Variants in DNAH3 observed in about 807,000 individuals in gnomAD.
The protein encoded by DNAH3 is dynein axonemal heavy chain 3.
DNAH3 carries 332 observed loss-of-function variants against 432.5 expected under a neutral mutation model. The ratio of observed to expected loss-of-function variants is 0.77; its 90% confidence interval spans 0.70 to 0.84. The LOEUF (loss-of-function observed/expected upper bound fraction) is 0.84. DNAH3 is among the 40% of genes least tolerant of loss of function. The probability of loss-of-function intolerance (pLI) is 0.00; values close to 1 mark genes in which losing one functional copy is unlikely to be tolerated. For synonymous variants in DNAH3, 1,956 were observed against 1,900.2 expected (o/e 1.03, Z -0.76); for missense variants, 4,861 against 5,114.0 (o/e 0.95, Z 1.51).
chr16:21,125,423 C>G, intron 8 of DNAH3, 53 bp from the exon 10 acceptor site: 1 of 1,476,398 alleles, frequency 6.8e-7, no homozygotes, highest in Non-Finnish European at 9.1e-7. Context: ...CTCCGAGGAA[C>G]CCACTTGCCG....
At chr16:21,090,521 T>C (rs975550974) in intron 18 of DNAH3, among the ~76,000 whole-genome samples, 13 of 152,184 alleles carry the variant, frequency 8.5e-5, no homozygotes, top group African/African-American at 3.1e-4. Context: ...GCAAGGCTGG[T>C]TTAATATTTG....
At chr16:21,084,069 TCAAA>T (rs58923666) in intron 19 of DNAH3, among the ~76,000 whole-genome samples, 7,279 of 152,000 alleles carry the variant, frequency 0.048, 228 homozygotes, top group Non-Finnish European at 0.073. Context: ...CCAGGCTGAG[TCAAA>T]CAGTGTAGAA....
chr16:21,139,730 A>G (rs1025713572), intron 5 of DNAH3, among the ~76,000 whole-genome samples: 14 of 149,230 alleles, frequency 9.4e-5, no homozygotes, highest in African/African-American at 3.2e-4. Context: ...CTCCTCCTAA[A>G]GTGCTGGGAT....
chr16:21,056,080 G>A (rs2090122964), intron 27 of DNAH3, among the ~76,000 whole-genome samples: 1 of 152,104 alleles, frequency 6.6e-6, no homozygotes, highest in African/African-American at 2.4e-5. Context: ...GCTGTGTTGA[G>A]GATTAAATGA....
Position 21,049,991 on chromosome 16 carries a change from G to T in DNAH3, c.4266C>A (p.Asn1422Lys), listed in dbSNP as rs775297189. The T allele has an allele frequency of 8.7e-6, 14 of 1,614,014 alleles. No individual in the cohort carries two copies. In the South Asian group the frequency reaches 1.5e-4, roughly 18 times the overall value. Reference sequence around the variant, plus strand: ...CTGGACCCTCTGGAGCACCCCCAAGGTTCAGCTTCAAAGCTCCCATCAGTG... The same window carrying T: ...CTGGACCCTCTGGAGCACCCCCAAGTTTCAGCTTCAAAGCTCCCATCAGTG... Residue 1422 changes from asparagine to lysine, a missense_variant, in exon 30 of 62, where the codon AAC becomes AAA. Coordinates refer to ENST00000261383, the Ensembl canonical transcript of DNAH3.
exon 46 of DNAH3, chr16:20,987,703 G>C: frequency 6.2e-7 from 1 of 1,613,982 alleles, no homozygotes; most frequent in Non-Finnish European, 8.5e-7. Flanking sequence ...CTGCAGGTGT[G>C]TGTGAGGGCA....
chr16:20,959,456 T>A (rs770036833), intron 53 of DNAH3, 52 bp from the exon 54 acceptor site: 1 of 1,547,856 alleles, frequency 6.5e-7, no homozygotes, highest in Non-Finnish European at 8.9e-7. Context: ...CAGCTAACAG[T>A]AACAGAACAG....
chr16:20,985,626 G>T (rs556491936), exon 48 of DNAH3: 16 of 1,614,152 alleles, frequency 9.9e-6, no homozygotes, highest in African/African-American at 2.7e-5. Flanking sequence ...AGATTTTTTG[G>T]TCACTTTCTG....
intron 57 of DNAH3, 113 bp from the exon 58 acceptor site, chr16:20,944,776 G>GACACACACAC (rs71377697): frequency 1.0e-5 from 7 of 702,100 alleles, no homozygotes; most frequent in African/African-American, 7.2e-5. Flanking sequence ...AGTAGCACAG[G>GACACACACAC]ACACACACAC....
At chr16:21,020,219 G>T (rs967484278) in intron 40 of DNAH3, among the ~76,000 whole-genome samples, 3 of 149,174 alleles carry the variant, frequency 2.0e-5, no homozygotes, top group Non-Finnish European at 4.4e-5. Flanking sequence ...ATGGGGTTTT[G>T]CCAGGTTGCC....
intron 25 of DNAH3, among the ~76,000 whole-genome samples, chr16:21,060,863 G>A (rs184823396): frequency 3.5e-3 from 513 of 146,400 alleles, no homozygotes; most frequent in African/African-American, 0.012. Context: ...AGAGAGACAG[G>A]GCCTTGCTCT....
chr16:20,982,759 A>C, exon 49 of DNAH3: 1 of 1,614,148 alleles, frequency 6.2e-7, no homozygotes, highest in Non-Finnish European at 8.5e-7. Context: ...CATCCTCTAG[A>C]AATTTGTTAG....
At chr16:20,951,183 G>A (rs1212742109) in intron 56 of DNAH3, among the ~76,000 whole-genome samples, 1 of 151,986 alleles carries the variant, frequency 6.6e-6, no homozygotes, top group South Asian at 2.1e-4. Context: ...CTAATAAAAG[G>A]TTGCTGATTG....
chr16:20,964,395 T>C lies in DNAH3; in HGVS notation c.9489A>G (p.Glu3163=), dbSNP rs146500368. The C allele has an allele frequency of 9.4e-5, 152 of 1,614,154 alleles. 1 individual carries two copies. In the Middle Eastern group the frequency reaches 1.6e-3, roughly 18 times the overall value. ...TGTATAACTTAAAATCCCTGGAATA[T>C]TCAATGATGTTTTCACCCAGCCTCA... The change falls in exon 53 of 62, where the codon GAA becomes GAG. Residue 3163 remains glutamate, a synonymous_variant. Transcript: ENST00000261383.
intron 48 of DNAH3, among the ~76,000 whole-genome samples, chr16:20,983,316 G>T (rs2086006579): frequency 6.6e-6 from 1 of 151,976 alleles, no homozygotes; most frequent in Admixed American, 6.6e-5. Context: ...AGTAGAGACG[G>T]GGTTTCACCA....
intron 3 of DNAH3, among the ~76,000 whole-genome samples, chr16:21,144,685 C>G (rs1210534680): frequency 6.6e-6 from 1 of 152,140 alleles, no homozygotes; most frequent in Non-Finnish European, 1.5e-5. Context: ...TAGAACAGTG[C>G]CTGGTATATG....
chr16:20,972,593 G>A (rs1215071274), intron 51 of DNAH3, among the ~76,000 whole-genome samples: 2 of 151,930 alleles, frequency 1.3e-5, no homozygotes, highest in Non-Finnish European at 2.9e-5. Flanking sequence ...GACTACAAGT[G>A]AAAAAGCATC....
At chr16:20,952,792 G>A (rs890988372) in intron 55 of DNAH3, among the ~76,000 whole-genome samples, 1 of 152,214 alleles carries the variant, frequency 6.6e-6, no homozygotes. Flanking sequence ...TAAGGAAGAT[G>A]TTAATGTCCT....
chr16:21,124,072 G>A (rs1055782051), intron 9 of DNAH3, among the ~76,000 whole-genome samples: 18 of 152,268 alleles, frequency 1.2e-4, no homozygotes, highest in East Asian at 9.6e-4. Context: ...GATTACAGGC[G>A]TGAGCCACCG....
Sources: allele counts gnomAD v4.1 joint callset (sites outside exome capture counted in the v4.1 genomes callset), GRCh38; gene constraint gnomAD v4.1.1; transcripts MANE v1.5; gene names NCBI Gene and HGNC (gene_info 2026-07-23, HGNC 2026-07-21).